SH2D1B: variants seen among roughly 807,000 people sequenced by gnomAD.
SH2D1B encodes the protein SH2 domain-containing protein 1B.
Under a neutral mutation model 16.3 loss-of-function variants are expected in SH2D1B, and 11 were observed. The observed-to-expected ratio is 0.67, with a 90% CI of 0.42 to 1.11. The LOEUF is 1.11. SH2D1B is among the 50% of genes most tolerant of loss of function. The probability of loss-of-function intolerance (pLI) is 0.00; values close to 1 mark genes in which losing one functional copy is unlikely to be tolerated. For synonymous variants in SH2D1B, 55 were observed against 56.1 expected, an observed-to-expected ratio of 0.98 and a Z score of 0.09; for missense variants, 123 against 153.1, an observed-to-expected ratio of 0.80 and a Z score of 1.04.
chr1:162,405,025 T>C (rs533666492), intron 1 of SH2D1B, among the ~76,000 whole-genome samples: 1 of 152,318 alleles, frequency 6.6e-6, no homozygotes, highest in African/African-American at 2.4e-5. Context: ...TTAGCTGTAA[T>C]AGCTATAAAT....
At chr1:162,397,447 A>G in intron 3 of SH2D1B, 132 bp from the exon 4 acceptor site, 1 of 857,810 alleles carries the variant, frequency 1.2e-6, no homozygotes, top group Non-Finnish European at 1.9e-6. Context: ...TGAAAGTTGT[A>G]TCTTTAAAGG....
intron 1 of SH2D1B, among the ~76,000 whole-genome samples, chr1:162,407,503 A>G (rs575681035): frequency 8.5e-5 from 13 of 152,354 alleles, no homozygotes; most frequent in African/African-American, 2.9e-4. Context: ...ATTTTCTCAC[A>G]AAATAGTGAT....
chr1:162,400,286 C>CTTTTTTTTTTTT (rs1241054289), intron 2 of SH2D1B, among the ~76,000 whole-genome samples: 1 of 83,288 alleles, frequency 1.2e-5, no homozygotes, highest in Non-Finnish European at 2.3e-5. Flanking sequence ...ACACCACGTA[C>CTTTTTTTTTTTT]TTTTTTTTTT....
Position 162,395,965 on chromosome 1 carries a change from T to G in SH2D1B, c.*1315A>C, listed in dbSNP as rs1648365863. On this transcript the variant is annotated 3_prime_UTR_variant, in exon 4 of 4. Coordinates refer to ENST00000367929, the MANE Select transcript of SH2D1B (RefSeq NM_053282.5). ...AGAGGTTTTAAGCAATTTCACGTAT[T>G]TATTATAAAATGTATATAGAAGAAT... 6.6e-6 allele frequency: 1 copy of G among 152,228 alleles called. No homozygotes were observed. The highest frequency in any genetic ancestry group is 6.5e-5 in the Admixed American group (1 of 15,278). 9.4% of individuals were successfully genotyped at this position (152,228 alleles called of 1,614,324 possible). A position where few individuals can be genotyped will look rare whatever the true frequency, so the allele number is the denominator to read the frequency against.
intron 3 of SH2D1B, 98 bp from the exon 4 acceptor site, chr1:162,397,413 G>C: frequency 1.5e-6 from 2 of 1,323,078 alleles, no homozygotes; most frequent in Non-Finnish European, 2.2e-6. Flanking sequence ...CCCTCCCCAG[G>C]CACAGAGCCA....
intron 1 of SH2D1B, among the ~76,000 whole-genome samples, chr1:162,408,720 T>G (rs1648714738): frequency 6.6e-6 from 1 of 152,142 alleles, no homozygotes; most frequent in African/African-American, 2.4e-5. Context: ...GGCCCATTTT[T>G]TAGCATCTCT....
In SH2D1B at chr1:162,402,748, G is replaced by A; in HGVS notation, c.189C>T (p.Tyr63=). ...YRIFREKHGY[Y]RIQTAEGSPK... ...TCCTTTTTGTTCTTACCTGTATCCTGTAATACCCGTGTTTCTCTCTGAAGA... is the reference window on the plus strand; with the variant it reads ...TCCTTTTTGTTCTTACCTGTATCCTATAATACCCGTGTTTCTCTCTGAAGA... Residue 63 remains tyrosine (Y), a synonymous_variant, in exon 2 of 4, where the codon TAC becomes TAT. Transcript: ENST00000367929. 1 of 1,613,424 alleles carries A rather than the reference G, an allele frequency of 6.2e-7. No individual in the cohort carries two copies. Among genetic ancestry groups the A allele is most frequent in the Non-Finnish European group, 8.5e-7 (1 of 1,179,458 alleles).
At chr1:162,407,716 G>A (rs1323886770) in intron 1 of SH2D1B, among the ~76,000 whole-genome samples, 1 of 152,198 alleles carries the variant, frequency 6.6e-6, no homozygotes, top group Non-Finnish European at 1.5e-5. Flanking sequence ...ATTGGTTGAT[G>A]TGACCTCTTC....
intron 2 of SH2D1B, among the ~76,000 whole-genome samples, chr1:162,401,896 G>T (rs1027232667): frequency 3.9e-5 from 6 of 152,164 alleles, no homozygotes; most frequent in African/African-American, 1.4e-4. Context: ...TCTGTTAGCA[G>T]TTATGTTTAT....
At chr1:162,402,993 C>T (rs1648558785) in intron 1 of SH2D1B, among the ~76,000 whole-genome samples, 191 bp from the exon 2 acceptor site, 1 of 151,804 alleles carries the variant, frequency 6.6e-6, no homozygotes, top group Admixed American at 6.6e-5. Flanking sequence ...ACTGCAACCT[C>T]CGCCTCCCGG....
rs1172751501 is a variant in SH2D1B at position 162,403,488 on chromosome 1, G to GAA, written c.135-688_135-687dup. On this transcript the variant is annotated intron_variant, in intron 1 of 3. Coordinates refer to ENST00000367929, the MANE Select transcript of SH2D1B (RefSeq NM_053282.5). ...TGGGCGACAGAGCGAGACTCTGTCTGAAAAAAAAAAAAAAAAAAAAAAAAT... is the reference window on the plus strand; with the variant it reads ...TGGGCGACAGAGCGAGACTCTGTCTGAAAAAAAAAAAAAAAAAAAAAAAAAAT... 1.5e-3 allele frequency among the ~76,000 whole-genome samples: 32 copies of GAA among 20,666 alleles called. 1 individual carries two copies. Among genetic ancestry groups the GAA allele is most frequent in the South Asian group, 2.9e-3 (1 of 340 alleles). The allele number at this position is 20,666 out of a possible 152,430, so 13.6% of individuals were successfully genotyped here.
At chr1:162,405,436 G>A (rs1202188530) in intron 1 of SH2D1B, among the ~76,000 whole-genome samples, 1 of 152,122 alleles carries the variant, frequency 6.6e-6, no homozygotes, top group African/African-American at 2.4e-5. Context: ...CCTCAATAAA[G>A]CAGTAAGACA....
At chr1:162,401,131 C>T (rs1047126558) in intron 2 of SH2D1B, among the ~76,000 whole-genome samples, 3 of 152,188 alleles carry the variant, frequency 2.0e-5, no homozygotes, top group African/African-American at 7.2e-5. Context: ...AAGTCATCTG[C>T]AAGGAGGTTC....
intron 1 of SH2D1B, among the ~76,000 whole-genome samples, chr1:162,406,859 C>G (rs935307321): frequency 2.0e-5 from 3 of 152,172 alleles, no homozygotes; most frequent in African/African-American, 7.2e-5. Flanking sequence ...GCAGATGAAT[C>G]CTTTGCACCT....
chr1:162,403,320 C>G (rs10919350), intron 1 of SH2D1B, among the ~76,000 whole-genome samples: 1 of 150,906 alleles, frequency 6.6e-6, no homozygotes, highest in Non-Finnish European at 1.5e-5. Flanking sequence ...GAAACCACGT[C>G]TCTACTAAAA....
At chr1:162,403,855 C>T (rs980525356) in intron 1 of SH2D1B, among the ~76,000 whole-genome samples, 1 of 151,482 alleles carries the variant, frequency 6.6e-6, no homozygotes, top group Admixed American at 6.6e-5. Flanking sequence ...AGAAAAATAC[C>T]ACATGGTCTC....
chr1:162,397,330 A>C lies in SH2D1B; in HGVS notation c.364-15T>G. 1 of 1,613,602 alleles carries C rather than the reference A, an allele frequency of 6.2e-7. No homozygotes were observed. The highest frequency in any genetic ancestry group is 8.5e-7 in the Non-Finnish European group (1 of 1,179,842). On this transcript the variant is annotated splice_polypyrimidine_tract_variant and intron_variant, in intron 3 of 3. Coordinates refer to ENST00000367929, the MANE Select transcript of SH2D1B (RefSeq NM_053282.5). ...CTGTTACTGTTCTTTGGAGGGAAAA[A>C]AAAAGCAGAAGACCAGCCATGAGAC...
intron 1 of SH2D1B, among the ~76,000 whole-genome samples, chr1:162,406,184 T>G (rs1029482486): frequency 2.0e-5 from 3 of 152,214 alleles, no homozygotes; most frequent in Admixed American, 1.3e-4. Context: ...TCAGTGTGCA[T>G]GAAGATTTTT....
rs140681326 is a variant in SH2D1B at position 162,402,694 on chromosome 1, C to T, written c.198+45G>A. The T allele has an allele frequency of 1.4e-4, 218 of 1,529,544 alleles. No homozygotes were observed. In the African/African-American group the frequency reaches 2.7e-3, roughly 19 times the overall value. The allele number at this position is 1,529,544 out of a possible 1,614,324, so 94.7% of individuals were successfully genotyped here. Reference sequence around the variant, plus strand: ...AAAGACATGTTCCCAGGTTCTTCTCCCCCAACTTTTGTGTTGTTGTTGTTG... The same window carrying T: ...AAAGACATGTTCCCAGGTTCTTCTCTCCCAACTTTTGTGTTGTTGTTGTTG... On this transcript the variant is annotated intron_variant, in intron 2 of 3. Coordinates refer to ENST00000367929, the MANE Select transcript of SH2D1B (RefSeq NM_053282.5).
Sources: allele counts gnomAD v4.1 joint callset (sites outside exome capture counted in the v4.1 genomes callset), GRCh38; gene constraint gnomAD v4.1.1; transcripts MANE v1.5; gene names NCBI Gene and HGNC (gene_info 2026-07-23, HGNC 2026-07-21).